CHD9: variants seen among roughly 807,000 people sequenced by gnomAD.
The protein encoded by CHD9 is chromodomain helicase DNA binding protein 9, also known as ATP-dependent chromatin remodeler CHD9.
Under a neutral mutation model 316.1 loss-of-function variants are expected in CHD9, and 77 were observed. The ratio of observed to expected loss-of-function variants is 0.24; its 90% confidence interval spans 0.20 to 0.29. The LOEUF (loss-of-function observed/expected upper bound fraction) is 0.29. CHD9 is among the 10% of genes least tolerant of loss of function. CHD9 has a pLI of 1.00. For missense variants in CHD9, 2,763 were observed against 3,438.1 expected (o/e 0.80, Z 4.91); for synonymous variants, 1,129 against 1,158.3 (o/e 0.97, Z 0.51).
intron 2 of CHD9, among the ~76,000 whole-genome samples, chr16:53,200,126 C>T (rs1229971747): frequency 6.6e-6 from 1 of 152,008 alleles, no homozygotes; most frequent in African/African-American, 2.4e-5. Flanking sequence ...TTAATCCCAG[C>T]ACTTTGGGAG....
chr16:53,090,911 G>C lies in CHD9; in HGVS notation c.-165+35834G>C, dbSNP rs560698648. Among the ~76,000 whole-genome samples the C allele has an allele frequency of 6.4e-4, 66 of 102,442 alleles. 2 individuals carry two copies. In the South Asian group the frequency reaches 0.021, roughly 33 times the overall value. 67.2% of individuals were successfully genotyped at this position (102,442 alleles called of 152,430 possible). A position where few individuals can be genotyped will look rare whatever the true frequency, so the allele number is the denominator to read the frequency against. On this transcript the variant is annotated intron_variant, in intron 1 of 38. Coordinates refer to ENST00000447540, the MANE Select transcript of CHD9 (RefSeq NM_001308319.2). The stretch of plus-strand genomic sequence containing the variant: ...CTTTGTTGAGTAATTTGGTGACATT[G>C]CCTGCCTGCCTGCCCACCATGCTCT...
chr16:53,326,058 G>C lies in CHD9; in HGVS notation c.*1163G>C, dbSNP rs2057529928. On this transcript the variant is annotated 3_prime_UTR_variant, in exon 39 of 39. Coordinates refer to ENST00000447540, the MANE Select transcript of CHD9 (RefSeq NM_001308319.2). ...AATGCACTTTGAATAATCTCAAAAA[G>C]ATGTACAAGTTATACCTGTAAACCA... 1 of 152,472 alleles carries C rather than the reference G, an allele frequency of 6.6e-6. No individual in the cohort carries two copies. The highest frequency in any genetic ancestry group is 2.4e-5 in the African/African-American group (1 of 41,438). 9.4% of individuals were successfully genotyped at this position (152,472 alleles called of 1,614,324 possible).
intron 24 of CHD9, among the ~76,000 whole-genome samples, chr16:53,284,654 ATCAG>A (rs758535915): frequency 1.2e-4 from 19 of 152,200 alleles, no homozygotes; most frequent in East Asian, 3.8e-4. Flanking sequence ...TACTTATAAA[ATCAG>A]TCAATCTACA....
chr16:53,242,205 C>G (rs2049164383), intron 12 of CHD9, among the ~76,000 whole-genome samples: 1 of 152,198 alleles, frequency 6.6e-6, no homozygotes, highest in Non-Finnish European at 1.5e-5. Flanking sequence ...TCACCTCCAA[C>G]CTTATACTTC....
chr16:53,139,470 G>A (rs2039948697), intron 1 of CHD9, among the ~76,000 whole-genome samples: 1 of 152,138 alleles, frequency 6.6e-6, no homozygotes, highest in South Asian at 2.1e-4. Context: ...AGTGGTGATG[G>A]TAATACAGTA....
At position 53,075,535 on chromosome 16, in the gene CHD9, G is replaced by A. The variant is rs1232570111; in HGVS notation, c.-165+20458G>A. ...GGAGGGACCCAGTGGGAGATAATTT[G>A]AATCATGGGGGCGGTTTCCCCCATA... On this transcript the variant is annotated intron_variant, in intron 1 of 38. Coordinates refer to ENST00000447540, the MANE Select transcript of CHD9 (RefSeq NM_001308319.2). 2.6e-5 allele frequency among the ~76,000 whole-genome samples: 4 copies of A among 152,152 alleles called. No individual in the cohort carries two copies. In the East Asian group the frequency reaches 7.7e-4, roughly 29 times the overall value.
intron 11 of CHD9, 56 bp downstream of exon 11, chr16:53,235,362 G>A: frequency 7.9e-7 from 1 of 1,265,094 alleles, no homozygotes; most frequent in East Asian, 2.6e-5. Context: ...GCCAAAATGT[G>A]TCAAGTAAAA....
chr16:53,137,378 T>C (rs564526326), intron 1 of CHD9, among the ~76,000 whole-genome samples: 1 of 152,206 alleles, frequency 6.6e-6, no homozygotes, highest in Admixed American at 6.5e-5. Flanking sequence ...AATACTGATA[T>C]GAACATTCCT....
chr16:53,293,485 G>A (rs1341394097), intron 29 of CHD9, among the ~76,000 whole-genome samples: 4 of 150,996 alleles, frequency 2.6e-5, no homozygotes, highest in South Asian at 4.2e-4. Context: ...GTGTGGTGGC[G>A]CATGCCTGTG....
intron 38 of CHD9, 134 bp downstream of exon 38, chr16:53,321,764 T>G: frequency 1.9e-6 from 1 of 534,000 alleles, no homozygotes; most frequent in Non-Finnish European, 3.1e-6. Context: ...AATTTTTATT[T>G]TGCAGTACAT....
chr16:53,281,599 A>G (rs959614911), intron 24 of CHD9, among the ~76,000 whole-genome samples: 1 of 152,128 alleles, frequency 6.6e-6, no homozygotes, highest in Admixed American at 6.5e-5. Context: ...AGATGTTTCT[A>G]ATTTCTCTTA....
At chr16:53,162,276 A>C (rs566765873) in intron 2 of CHD9, among the ~76,000 whole-genome samples, 4 of 152,308 alleles carry the variant, frequency 2.6e-5, no homozygotes, top group African/African-American at 7.2e-5. Flanking sequence ...GGAAGAAAAA[A>C]GAAAAAAAGT....
chr16:53,269,209 C>CA (rs776841862), intron 22 of CHD9, among the ~76,000 whole-genome samples: 14 of 152,116 alleles, frequency 9.2e-5, no homozygotes, highest in Non-Finnish European at 1.9e-4. Context: ...GCCTTCCTAA[C>CA]AGAACATTCT....
chr16:53,222,764 T>C lies in CHD9; in HGVS notation c.1896+9T>C. The stretch of plus-strand genomic sequence containing the variant: ...AAGATCAAGACTCTCAAGTGAGTAT[T>C]ACAATTTTTTCTAGAAATGAAACAC... On this transcript the variant is annotated intron_variant, in intron 4 of 38. Transcript: ENST00000447540. 1 of 1,319,078 alleles carries C rather than the reference T, an allele frequency of 7.6e-7. No homozygotes were observed. Among genetic ancestry groups the C allele is most frequent in the Non-Finnish European group, 1.1e-6 (1 of 940,456 alleles). 81.7% of individuals were successfully genotyped at this position (1,319,078 alleles called of 1,614,324 possible).
chr16:53,317,702 C>T (rs1194768631), intron 36 of CHD9, among the ~76,000 whole-genome samples: 2 of 152,004 alleles, frequency 1.3e-5, no homozygotes, highest in Non-Finnish European at 1.5e-5. Flanking sequence ...CCATATTGCC[C>T]GGGCTTAACT....
intron 2 of CHD9, chr16:53,208,691 G>A (rs1346959241): frequency 1.0e-6 from 1 of 989,484 alleles, no homozygotes; most frequent in East Asian, 1.1e-4. Context: ...CTTTGGTATA[G>A]TCAGAGGCAT....
In CHD9 at chr16:53,324,544, A is replaced by G. The variant is rs926100446; in HGVS notation, c.8343A>G (p.Ala2781=). ...SSSPSTSSTA[A]LNTAAAANPL... ...CTCCTTCCACATCCTCTACTGCTGC[A>G]TTAAATACAGCTGCAGCTGCCAACC... The change falls in exon 39 of 39, where the codon GCA becomes GCG. Residue 2781 remains alanine, a synonymous_variant. Coordinates refer to ENST00000447540, the MANE Select transcript of CHD9 (RefSeq NM_001308319.2). The G allele has an allele frequency of 3.1e-6, 5 of 1,613,890 alleles. No individual in the cohort carries two copies. The highest frequency in any genetic ancestry group is 4.2e-6 in the Non-Finnish European group (5 of 1,179,846).
Position 53,291,780 on chromosome 16 carries a change from T to C in CHD9, c.5290+13T>C. On this transcript the variant is annotated intron_variant, in intron 28 of 38. Transcript: ENST00000447540. ...ATAGCAGATGGAGGTAAATTGCACG[T>C]ACTTCTGTACTTAGTATTATTGTAA... 1 of 1,441,330 alleles carries C rather than the reference T, an allele frequency of 6.9e-7. No individual in the cohort carries two copies. The highest frequency in any genetic ancestry group is 9.4e-7 in the Non-Finnish European group (1 of 1,061,012). The allele number at this position is 1,441,330 out of a possible 1,614,324, so 89.3% of individuals were successfully genotyped here.
intron 12 of CHD9, among the ~76,000 whole-genome samples, chr16:53,242,226 T>A (rs571422038): frequency 6.6e-5 from 10 of 152,214 alleles, no homozygotes; most frequent in Non-Finnish European, 1.2e-4. Context: ...TTATCCCACA[T>A]CCTTGTTTTA....
Sources: allele counts gnomAD v4.1 joint callset (sites outside exome capture counted in the v4.1 genomes callset), GRCh38; gene constraint gnomAD v4.1.1; transcripts MANE v1.5; gene names NCBI Gene and HGNC (gene_info 2026-07-23, HGNC 2026-07-21).